The following ATP2B4 variants were observed in gnomAD, a reference collection of about 807,000 sequenced individuals.
ATP2B4 encodes ATPase plasma membrane Ca2+ transporting 4.
A neutral mutation model predicts 110.3 loss-of-function variants in ATP2B4; 39 were observed. The ratio of observed to expected loss-of-function variants is 0.35; its 90% CI spans 0.27 to 0.46. ATP2B4 has a LOEUF of 0.46. Ranked by LOEUF, ATP2B4 falls within the 20% of genes least tolerant of loss-of-function variation. The pLI, the probability that ATP2B4 is intolerant of heterozygous loss-of-function variation, is 1.00. For missense variants in ATP2B4, 1,135 were observed against 1,530.9 expected, an observed-to-expected ratio of 0.74 and a Z score of 4.32; for synonymous variants, 538 against 571.7, an observed-to-expected ratio of 0.94 and a Z score of 0.84.
In ATP2B4 at chr1:203,698,183, G is replaced by A. The variant is rs542534953; in HGVS notation, c.220G>A (p.Glu74Lys). The stretch of plus-strand genomic sequence containing the variant: ...TCTGTCTGGGAACCCTGCAGATCTG[G>A]AGAAACGTAGGCAGGTGTTTGGACA... ...EGLSGNPADL[E>K]KRRQVFGHNV... is the part of the protein sequence containing the mutation. Residue 74 changes from glutamate (E) to lysine (K), a missense_variant, in exon 3 of 21, where the codon GAG becomes AAG. Glu to Lys is a moderately conservative substitution (Grantham distance 56, BLOSUM62 1). This residue lies in a region of ATP2B4 where 122 missense variants were observed against 125.2 expected (regional missense o/e 0.97). Coordinates refer to ENST00000357681, the MANE Select transcript of ATP2B4 (RefSeq NM_001684.5). 3.3e-5 allele frequency: 54 copies of A among 1,614,120 alleles called. No homozygotes were observed. Among genetic ancestry groups the A allele is most frequent in the Admixed American group, 1.0e-4 (6 of 60,014 alleles).
intron 2 of ATP2B4, among the ~76,000 whole-genome samples, chr1:203,687,826 A>G (rs1028744123): frequency 1.1e-4 from 16 of 152,122 alleles, no homozygotes; most frequent in Middle Eastern, 3.4e-3. Context: ...TCCCAGCACT[A>G]TCTGTGCTTT....
chr1:203,678,202 C>T (rs919090052), intron 1 of ATP2B4, among the ~76,000 whole-genome samples: 1 of 152,114 alleles, frequency 6.6e-6, no homozygotes, highest in African/African-American at 2.4e-5. Context: ...TTCAAATATA[C>T]CCTACTCTAT....
chr1:203,657,729 T>A lies in ATP2B4; in HGVS notation c.-464-25013T>A, dbSNP rs765592799. ...ATCCAAACGGTATCCATAGTGTTTA[T>A]GGTGTAATTCAATATATTCGTTCTG... On this transcript the variant is annotated intron_variant, in intron 1 of 20. Coordinates refer to ENST00000357681, the MANE Select transcript of ATP2B4 (RefSeq NM_001684.5). 198 of 737,414 alleles carry A rather than the reference T, an allele frequency of 2.7e-4. 1 individual carries two copies. Among genetic ancestry groups the A allele is most frequent in the South Asian group, 2.0e-3 (138 of 68,206 alleles). The allele number at this position is 737,414 out of a possible 1,614,324, so 45.7% of individuals were successfully genotyped here.
chr1:203,731,670 T>A (rs1390722131), intron 20 of ATP2B4, among the ~76,000 whole-genome samples: 1 of 150,116 alleles, frequency 6.7e-6, no homozygotes, highest in Non-Finnish European at 1.5e-5. Context: ...GCCAGCATGG[T>A]GAAACTCTGT....
intron 1 of ATP2B4, among the ~76,000 whole-genome samples, chr1:203,628,910 G>C (rs1663173021): frequency 2.0e-5 from 3 of 152,178 alleles, no homozygotes; most frequent in Admixed American, 1.3e-4. Flanking sequence ...GGGCAGGAAG[G>C]ATGGTGGCAG....
At chr1:203,681,497 C>T (rs1167391500) in intron 1 of ATP2B4, among the ~76,000 whole-genome samples, 1 of 152,126 alleles carries the variant, frequency 6.6e-6, no homozygotes, top group Non-Finnish European at 1.5e-5. Flanking sequence ...GTAACCGGGG[C>T]TGGGGTCCCA....
intron 8 of ATP2B4, among the ~76,000 whole-genome samples, chr1:203,706,453 C>T (rs892388545): frequency 6.6e-6 from 1 of 152,094 alleles, no homozygotes; most frequent in Non-Finnish European, 1.5e-5. Flanking sequence ...CTATGTGTGC[C>T]GTGACAAGAG....
intron 7 of ATP2B4, among the ~76,000 whole-genome samples, chr1:203,702,786 G>C (rs1001465357): frequency 6.6e-6 from 1 of 152,226 alleles, no homozygotes; most frequent in Non-Finnish European, 1.5e-5. Context: ...GAGCCAGCAA[G>C]AACTACTGTC....
chr1:203,721,933 T>A (rs11809910), intron 17 of ATP2B4, among the ~76,000 whole-genome samples: 8,618 of 152,114 alleles, frequency 0.057, 688 homozygotes, highest in East Asian at 0.4. Context: ...AGTGCTGGGA[T>A]TACAGGCATG....
intron 1 of ATP2B4, among the ~76,000 whole-genome samples, chr1:203,675,703 G>T (rs1487210984): frequency 2.6e-5 from 4 of 152,206 alleles, no homozygotes; most frequent in Admixed American, 2.6e-4. Context: ...GACTTGGAGA[G>T]GGGGAAGTAA....
chr1:203,663,591 A>G (rs1272118443), intron 1 of ATP2B4, among the ~76,000 whole-genome samples: 1 of 150,640 alleles, frequency 6.6e-6, no homozygotes, highest in Non-Finnish European at 1.5e-5. Flanking sequence ...ACTATTTTCT[A>G]CAGGCTGCTC....
chr1:203,733,882 G>A (rs1666806012), intron 20 of ATP2B4, among the ~76,000 whole-genome samples: 1 of 152,182 alleles, frequency 6.6e-6, no homozygotes, highest in Non-Finnish European at 1.5e-5. Flanking sequence ...GGAAAGGTAG[G>A]AAGGGAGCTA....
intron 2 of ATP2B4, among the ~76,000 whole-genome samples, chr1:203,688,590 T>C (rs1182210100): frequency 2.0e-5 from 3 of 152,076 alleles, no homozygotes; most frequent in Non-Finnish European, 4.4e-5. Context: ...GCATGAGCCC[T>C]CATGCGCAGC....
intron 18 of ATP2B4, among the ~76,000 whole-genome samples, chr1:203,723,459 T>TCTCTCTCTCTCC (rs1558052460): frequency 5.4e-5 from 7 of 128,682 alleles, no homozygotes; most frequent in African/African-American, 1.5e-4. Context: ...TCTCTCTCTC[T>TCTCTCTCTCTCC]CCCTCTGCCT....
intron 1 of ATP2B4, among the ~76,000 whole-genome samples, chr1:203,671,024 G>A (rs4951057): frequency 0.98 from 149,705 of 152,322 alleles, 73,636 homozygotes; most frequent in Middle Eastern, 1. Flanking sequence ...TCTGGTTAAT[G>A]TGTCTGTTGG....
intron 19 of ATP2B4, among the ~76,000 whole-genome samples, chr1:203,725,484 C>T (rs1666482136): frequency 6.6e-6 from 1 of 152,146 alleles, no homozygotes; most frequent in Non-Finnish European, 1.5e-5. Context: ...TCATCTTGGG[C>T]AAGTTACATA....
At chr1:203,643,020 G>T (rs1663678893) in intron 1 of ATP2B4, among the ~76,000 whole-genome samples, 1 of 152,096 alleles carries the variant, frequency 6.6e-6, no homozygotes, top group African/African-American at 2.4e-5. Context: ...GCTAACCTTT[G>T]GGCTCAGTAC....
Position 203,682,487 on chromosome 1 carries a change from G to C in ATP2B4, c.-464-255G>C, listed in dbSNP as rs553304971. Among the ~76,000 whole-genome samples the C allele has an allele frequency of 7.9e-5, 12 of 152,248 alleles. No individual in the cohort carries two copies. In the South Asian group the frequency reaches 1.9e-3, roughly 24 times the overall value. On this transcript the variant is annotated intron_variant, in intron 1 of 20. Transcript: ENST00000357681. Reference sequence around the variant, plus strand: ...GGTTTTATGTTGCTTGGTTGGGAGAGGTGAGACGTGAAGACTCGGGTATTG... The same window carrying C: ...GGTTTTATGTTGCTTGGTTGGGAGACGTGAGACGTGAAGACTCGGGTATTG...
At chr1:203,686,898 T>A (rs1052880744) in intron 2 of ATP2B4, among the ~76,000 whole-genome samples, 1 of 151,528 alleles carries the variant, frequency 6.6e-6, no homozygotes, top group Non-Finnish European at 1.5e-5. Context: ...TTTCATCATG[T>A]TGGCCAGGCT....
Sources: allele counts gnomAD v4.1 joint callset (sites outside exome capture counted in the v4.1 genomes callset), GRCh38; gene constraint gnomAD v4.1.1; regional missense constraint gnomAD v4.1.1; transcripts MANE v1.5; gene names NCBI Gene and HGNC (gene_info 2026-07-23, HGNC 2026-07-21).